The following NCOR2 variants were observed in gnomAD, a reference collection of about 807,000 sequenced individuals.
NCOR2 encodes nuclear receptor corepressor 2, also known as CTG repeat protein 26.
A neutral mutation model predicts 262.9 loss-of-function variants in NCOR2; 81 were observed. The observed-to-expected ratio is 0.31, with a 90% CI of 0.26 to 0.37. The LOEUF (loss-of-function observed/expected upper bound fraction) is 0.37. NCOR2 is among the 10% of genes least tolerant of loss of function. The pLI is 1.00. For missense variants in NCOR2, 3,385 were observed against 3,621.4 expected (o/e 0.93, Z 1.68); for synonymous variants, 1,659 against 1,559.3 (o/e 1.06, Z -1.51).
At chr12:124,472,499 A>G (rs2046878183) in intron 4 of NCOR2, among the ~76,000 whole-genome samples, 1 of 152,174 alleles carries the variant, frequency 6.6e-6, no homozygotes, top group African/African-American at 2.4e-5. Flanking sequence ...GTTTCCCCAC[A>G]TTACAGATAA....
Position 124,531,078 on chromosome 12 carries a change from G to A in NCOR2, c.-118+4487C>T, listed in dbSNP as rs897899336. On this transcript the variant is annotated intron_variant, in intron 1 of 46. Transcript: ENST00000404621. The surrounding 1 kb of genome is among the most constrained non-coding windows in gnomAD (Gnocchi z 4.5). Reference sequence around the variant, plus strand: ...CAACCCGCCTCTCCCAGGGAAGCAGGGACAAAAGGATGGGGCCCTGTGGGG... The same window carrying A: ...CAACCCGCCTCTCCCAGGGAAGCAGAGACAAAAGGATGGGGCCCTGTGGGG... Among the ~76,000 whole-genome samples, 6 of 152,232 alleles carry A rather than the reference G, an allele frequency of 3.9e-5. No individual in the cohort carries two copies. Among genetic ancestry groups the A allele is most frequent in the African/African-American group, 1.2e-4 (5 of 41,466 alleles).
chr12:124,473,051 C>A (rs779728274), exon 4 of NCOR2: 1 of 1,614,108 alleles, frequency 6.2e-7, no homozygotes, highest in East Asian at 2.2e-5. Context: ...ACAGCCGTGG[C>A]GGCACCAGCT....
intron 41 of NCOR2, among the ~76,000 whole-genome samples, chr12:124,333,863 T>G (rs1217853681): frequency 4.0e-5 from 5 of 124,644 alleles, no homozygotes; most frequent in South Asian, 2.8e-4. Context: ...TGCATGTGTG[T>G]GTGCGCATGT....
At chr12:124,337,696 G>A (rs2036009068) in intron 37 of NCOR2, among the ~76,000 whole-genome samples, 1 of 152,002 alleles carries the variant, frequency 6.6e-6, no homozygotes, top group Non-Finnish European at 1.5e-5. Context: ...AGAGAGCAAG[G>A]GGAAGGATGC....
upstream of NCOR2, chr12:124,539,515 C>T (rs1242592504): frequency 6.6e-6 from 1 of 152,418 alleles, no homozygotes; most frequent in Non-Finnish European, 1.5e-5. This position sits in a 1 kb window ranked among gnomAD's most constrained non-coding sequence, Gnocchi z 5.1. Flanking sequence ...TCCTCTGAAG[C>T]CACCAGCTCA....
upstream of NCOR2, among the ~76,000 whole-genome samples, chr12:124,496,725 A>ACCCT (rs1384489516): frequency 1.1e-4 from 17 of 148,898 alleles, no homozygotes; most frequent in South Asian, 2.2e-4. The surrounding 1 kb of genome is among the most constrained non-coding windows in gnomAD (Gnocchi z 4.4). Context: ...TGTAGACTTG[A>ACCCT]CCCTCCCTCC....
intron 13 of NCOR2, among the ~76,000 whole-genome samples, chr12:124,415,297 G>A (rs2042798125): frequency 6.6e-6 from 1 of 152,246 alleles, no homozygotes; most frequent in Admixed American, 6.5e-5. Flanking sequence ...GCCCTCACCT[G>A]GGGCAGACTG....
intron 3 of NCOR2, among the ~76,000 whole-genome samples, chr12:124,473,351 G>A (rs948295173): frequency 2.0e-5 from 3 of 152,228 alleles, no homozygotes; most frequent in Non-Finnish European, 4.4e-5. Flanking sequence ...CATCTAATCA[G>A]CTGCCAGCGA....
chr12:124,374,579 G>T, intron 18 of NCOR2, 116 bp from the exon 21 acceptor site: 1 of 927,688 alleles, frequency 1.1e-6, no homozygotes, highest in Non-Finnish European at 1.7e-6. Flanking sequence ...GTGAGGCCTC[G>T]CTGCTGCTCG....
At position 124,531,913 on chromosome 12, in the gene NCOR2, T is replaced by A. The variant is rs1293082030; in HGVS notation, c.-118+3652A>T. 7.5e-6 allele frequency among the ~76,000 whole-genome samples: 1 copy of A among 132,740 alleles called. No individual in the cohort carries two copies. Among genetic ancestry groups the A allele is most frequent in the East Asian group, 2.5e-4 (1 of 4,014 alleles). 87.1% of individuals were successfully genotyped at this position (132,740 alleles called of 152,430 possible). On this transcript the variant is annotated intron_variant, in intron 1 of 46. Coordinates refer to the NCOR2 transcript ENST00000404621. This position sits in a 1 kb window ranked among gnomAD's most constrained non-coding sequence, Gnocchi z 4.5. Reference sequence around the variant, plus strand: ...CCCCACTCCCAGCTGAAGAATCCACTCACAGAGTTTCGAGTCACGGGCAAC... The same window carrying A: ...CCCCACTCCCAGCTGAAGAATCCACACACAGAGTTTCGAGTCACGGGCAAC...
intron 1 of NCOR2, chr12:124,514,786 C>T (rs2137041843): frequency 7.0e-6 from 1 of 142,122 alleles, no homozygotes; most frequent in South Asian, 2.2e-4. Flanking sequence ...CACAGCTCTG[C>T]ACTCCAGCCT....
chr12:124,512,874 A>ACCCCCCACTC (rs2049486690), intron 1 of NCOR2, among the ~76,000 whole-genome samples: 1 of 152,064 alleles, frequency 6.6e-6, no homozygotes, highest in Non-Finnish European at 1.5e-5. Flanking sequence ...GGCCAAACTG[A>ACCCCCCACTC]CAGTGAGTCA....
chr12:124,495,802 C>T (rs1430104861), upstream of NCOR2, among the ~76,000 whole-genome samples: 1 of 152,112 alleles, frequency 6.6e-6, no homozygotes, highest in Non-Finnish European at 1.5e-5. The surrounding 1 kb of genome is among the most constrained non-coding windows in gnomAD (Gnocchi z 4.4). Flanking sequence ...ACCGCTGTCC[C>T]GGGCAGCAGG....
intron 3 of NCOR2, among the ~76,000 whole-genome samples, chr12:124,480,975 G>A (rs1488034916): frequency 6.6e-6 from 1 of 151,878 alleles, no homozygotes; most frequent in Admixed American, 6.6e-5. Flanking sequence ...GGTAATGAAG[G>A]CAAGGACAGA....
rs1415758550 is a variant in NCOR2 at position 124,501,058 on chromosome 12, GCGCGCACACACACACACA to G, written c.-117-5708_-117-5691del. ...GCCCACGGCACGAGCGCGCGCGCACGCGCGCACACACACACACACACACACACACACACACACACACAC... is the reference window on the plus strand; with the variant it reads ...GCCCACGGCACGAGCGCGCGCGCACGCACACACACACACACACACACACAC... On this transcript the variant is annotated intron_variant, in intron 1 of 46. Transcript: ENST00000404621. Among the ~76,000 whole-genome samples the G allele has an allele frequency of 3.8e-3, 251 of 66,258 alleles. 3 individuals carry two copies. Among genetic ancestry groups the G allele is most frequent in the African/African-American group, 0.013 (248 of 19,260 alleles). The allele number at this position is 66,258 out of a possible 152,430, so 43.5% of individuals were successfully genotyped here.
intron 1 of NCOR2, among the ~76,000 whole-genome samples, chr12:124,519,255 C>T (rs909173615): frequency 1.3e-5 from 2 of 152,148 alleles, no homozygotes; most frequent in Admixed American, 1.3e-4. Context: ...AAGGGGCAGG[C>T]TGAGCTCTGC....
chr12:124,438,969 A>C (rs1244815400), intron 7 of NCOR2, among the ~76,000 whole-genome samples: 1 of 123,266 alleles, frequency 8.1e-6, no homozygotes, highest in African/African-American at 3.1e-5. Context: ...AGACAGAGGG[A>C]GACAGAGACC....
At chr12:124,350,452 CA>C in intron 28 of NCOR2, 134 bp downstream of exon 30, 1 of 1,154,096 alleles carries the variant, frequency 8.7e-7, no homozygotes, top group South Asian at 1.5e-5. Context: ...TGCATACCTG[CA>C]GGGATAAGGA....
intron 13 of NCOR2, 67 bp from the exon 16 acceptor site, chr12:124,402,628 T>C (rs1291205386): frequency 8.4e-6 from 13 of 1,538,874 alleles, no homozygotes; most frequent in Non-Finnish European, 1.1e-5. Flanking sequence ...GGTGAATCTC[T>C]GCACCTGGGC....
Sources: allele counts gnomAD v4.1 joint callset (sites outside exome capture counted in the v4.1 genomes callset), GRCh38; gene constraint gnomAD v4.1.1; non-coding constraint Gnocchi (gnomAD v3.1); transcripts MANE v1.5; gene names NCBI Gene and HGNC (gene_info 2026-07-23, HGNC 2026-07-21).